The following KCNIP4 variants were observed in gnomAD, a reference collection of about 807,000 sequenced individuals.
The protein encoded by KCNIP4 is potassium voltage-gated channel interacting protein 4.
Under a neutral mutation model 34.0 loss-of-function variants are expected in KCNIP4, and 12 were observed. The ratio of observed to expected loss-of-function variants is 0.35; its 90% confidence interval spans 0.23 to 0.57. The LOEUF (loss-of-function observed/expected upper bound fraction) is 0.57. KCNIP4 is among the 20% of genes least tolerant of loss of function. KCNIP4 has a pLI of 0.83. For synonymous variants in KCNIP4, 124 were observed against 102.2 expected (o/e 1.21, Z -1.29); for missense variants, 238 against 311.7 (o/e 0.76, Z 1.78).
intron 1 of KCNIP4, among the ~76,000 whole-genome samples, chr4:21,487,676 AT>A (rs1479946322): frequency 3.3e-5 from 5 of 152,226 alleles, no homozygotes; most frequent in African/African-American, 1.2e-4. Flanking sequence ...ATAGAGACTT[AT>A]CTATTCTTCC....
intron 1 of KCNIP4, among the ~76,000 whole-genome samples, chr4:21,273,914 G>A (rs1322592169): frequency 6.6e-6 from 1 of 152,100 alleles, no homozygotes; most frequent in Non-Finnish European, 1.5e-5. Flanking sequence ...CTCTCCAAGG[G>A]CCAGGTCTTA....
rs1184733064 is a variant in KCNIP4 at position 21,757,198 on chromosome 4, GGAAA to G, written c.61+191369_61+191372del. Among the ~76,000 whole-genome samples the G allele has an allele frequency of 8.6e-4, 34 of 39,552 alleles. 1 individual carries two copies. The highest frequency in any genetic ancestry group is 3.2e-3 in the South Asian group (5 of 1,582). 25.9% of individuals were successfully genotyped at this position (39,552 alleles called of 152,430 possible). A position where few individuals can be genotyped will look rare whatever the true frequency, so the allele number is the denominator to read the frequency against. On this transcript the variant is annotated intron_variant, in intron 1 of 8. Transcript: ENST00000382152. ...AGGAAGGAAGGAAGGAAGGAAGGAA[GGAAA>G]GAAAGAAAGAAAGAAAGAAAGAAAG...
chr4:20,988,000 CAAA>C (rs36044149), intron 1 of KCNIP4, among the ~76,000 whole-genome samples: 4 of 46,328 alleles, frequency 8.6e-5, no homozygotes, highest in African/African-American at 8.5e-5. Context: ...GATTCCATCT[CAAA>C]AAAAAAAAAA....
intron 1 of KCNIP4, chr4:21,316,631 G>C (rs1426912008): frequency 6.6e-6 from 1 of 152,184 alleles, no homozygotes. Context: ...TGGCACTAAT[G>C]TGTGAAGGCT....
chr4:21,840,802 G>C (rs1202429933), intron 1 of KCNIP4, among the ~76,000 whole-genome samples: 2 of 152,150 alleles, frequency 1.3e-5, no homozygotes, highest in Non-Finnish European at 2.9e-5. Flanking sequence ...ATTTGTTATA[G>C]CCAGACCTGC....
intron 1 of KCNIP4, among the ~76,000 whole-genome samples, chr4:20,896,543 A>T (rs568918437): frequency 6.6e-6 from 1 of 152,294 alleles, no homozygotes; most frequent in East Asian, 1.9e-4. Context: ...AGAGGCAAAG[A>T]TTGAAGGGAA....
intron 1 of KCNIP4, among the ~76,000 whole-genome samples, chr4:21,327,015 T>TGCA (rs1715150930): frequency 6.6e-6 from 1 of 152,070 alleles, no homozygotes; most frequent in African/African-American, 2.4e-5. Context: ...AAAAAGTTGC[T>TGCA]GCAGTTATAT....
chr4:21,808,754 T>G (rs925278825), intron 1 of KCNIP4, among the ~76,000 whole-genome samples: 1 of 152,190 alleles, frequency 6.6e-6, no homozygotes, highest in Non-Finnish European at 1.5e-5. Flanking sequence ...CTCTCCAGGT[T>G]TATTCTCTTT....
At position 21,696,862 on chromosome 4, in the gene KCNIP4, C is replaced by A. The variant is rs149466147; in HGVS notation, c.61+251709G>T. ...ATTTTGCTCACATTTTGCAAGGAAC[C>A]CAGAGATCCAAAAGAAATATCCTTA... On this transcript the variant is annotated intron_variant, in intron 1 of 8. Coordinates refer to ENST00000382152, the MANE Select transcript of KCNIP4 (RefSeq NM_025221.6). Among the ~76,000 whole-genome samples the A allele has an allele frequency of 7.1e-3, 1,081 of 152,096 alleles. 16 individuals carry two copies. Among genetic ancestry groups the A allele is most frequent in the African/African-American group, 0.024 (1,000 of 41,518 alleles).
chr4:21,620,304 C>A (rs1014012753), intron 1 of KCNIP4, among the ~76,000 whole-genome samples: 1 of 152,076 alleles, frequency 6.6e-6, no homozygotes, highest in African/African-American at 2.4e-5. Context: ...GAGTGTGAGA[C>A]CAGCCTGGGC....
chr4:20,801,562 G>T (rs200069089), intron 3 of KCNIP4, among the ~76,000 whole-genome samples: 1 of 152,112 alleles, frequency 6.6e-6, no homozygotes, highest in African/African-American at 2.4e-5. Context: ...GGGGTGGAGA[G>T]TAAAAGTCTA....
At chr4:21,678,081 T>C (rs1011591672) in intron 1 of KCNIP4, among the ~76,000 whole-genome samples, 2 of 152,114 alleles carry the variant, frequency 1.3e-5, no homozygotes, top group East Asian at 1.9e-4. Context: ...CCCTCCATAG[T>C]ATGGGCCAGA....
intron 1 of KCNIP4, among the ~76,000 whole-genome samples, chr4:21,368,156 T>C (rs1277939372): frequency 6.8e-6 from 1 of 146,758 alleles, no homozygotes; most frequent in African/African-American, 2.7e-5. Flanking sequence ...ATTAGGGTAG[T>C]GATACCTACT....
chr4:21,287,273 T>C (rs2109191408), intron 1 of KCNIP4, among the ~76,000 whole-genome samples: 1 of 152,292 alleles, frequency 6.6e-6, no homozygotes, highest in Non-Finnish European at 1.5e-5. Context: ...AAAATAAGTA[T>C]CATTTACATG....
intron 3 of KCNIP4, among the ~76,000 whole-genome samples, chr4:20,825,229 T>G (rs1349604860): frequency 4.1e-5 from 1 of 24,438 alleles, no homozygotes; most frequent in Non-Finnish European, 1.4e-4. Flanking sequence ...TTTTACGTTT[T>G]TTTTTTTTTT....
intron 1 of KCNIP4, among the ~76,000 whole-genome samples, chr4:21,599,905 G>A (rs546703800): frequency 1.3e-5 from 2 of 152,060 alleles, no homozygotes; most frequent in South Asian, 2.1e-4. Context: ...AAGACTTGAC[G>A]ACAATAGAGA....
intron 1 of KCNIP4, among the ~76,000 whole-genome samples, chr4:21,262,408 G>A (rs1761529989): frequency 6.6e-6 from 1 of 152,176 alleles, no homozygotes; most frequent in South Asian, 2.1e-4. Context: ...TGTACATGGA[G>A]AGCCTGAAGT....
chr4:21,791,933 C>A (rs545768694), intron 1 of KCNIP4, among the ~76,000 whole-genome samples: 2 of 123,634 alleles, frequency 1.6e-5, no homozygotes, highest in African/African-American at 6.1e-5. Context: ...ACTCGGGAGG[C>A]GGAGGTTGCA....
intron 1 of KCNIP4, among the ~76,000 whole-genome samples, chr4:21,830,536 G>A (rs779117091): frequency 4.6e-5 from 7 of 151,798 alleles, no homozygotes; most frequent in East Asian, 1.9e-4. Context: ...AAAATTCGCC[G>A]GGTGCCACTG....
Sources: gnomAD v4.1 joint callset for allele counts (sites outside exome capture counted in the v4.1 genomes callset) on GRCh38, gnomAD v4.1.1 for gene constraint, MANE v1.5 for transcripts, NCBI Gene and HGNC (gene_info 2026-07-23, HGNC 2026-07-21) for gene names.